Variants in NCKAP1 observed in about 807,000 individuals in gnomAD.
NCKAP1 encodes nck-associated protein 1.
A neutral mutation model predicts 151.2 loss-of-function variants in NCKAP1; 21 were observed. The observed-to-expected ratio is 0.14, with a 90% CI of 0.10 to 0.20. The LOEUF (loss-of-function observed/expected upper bound fraction) is 0.20. NCKAP1 is among the 10% of genes least tolerant of loss of function. The probability of loss-of-function intolerance (pLI) is 1.00; values close to 1 mark genes in which losing one functional copy is unlikely to be tolerated. For missense variants in NCKAP1, 933 were observed against 1,352.1 expected (o/e 0.69, Z 4.86); for synonymous variants, 484 against 451.8 (o/e 1.07, Z -0.90).
intron 1 of NCKAP1, among the ~76,000 whole-genome samples, chr2:183,026,552 A>G (rs1698901209): frequency 6.6e-6 from 1 of 152,008 alleles, no homozygotes; most frequent in African/African-American, 2.4e-5. Context: ...CCTGGAATTG[A>G]TTTACCTTTT....
At chr2:182,929,015 T>C (rs188803425) in intron 27 of NCKAP1, 116 bp from the exon 28 acceptor site, 82 of 644,986 alleles carry the variant, frequency 1.3e-4, no homozygotes, top group Non-Finnish European at 1.9e-4. Context: ...TTTTTTGAAA[T>C]AGTAAACTAT....
At chr2:182,997,163 G>A (rs904892629) in intron 6 of NCKAP1, among the ~76,000 whole-genome samples, 1 of 152,092 alleles carries the variant, frequency 6.6e-6, no homozygotes, top group Non-Finnish European at 1.5e-5. Context: ...ATCTAGCTAA[G>A]AGTCTGTCAA....
In NCKAP1 at chr2:183,038,189, C is replaced by T. The variant is rs1208444199; in HGVS notation, c.-90G>A. 4.5e-6 allele frequency: 4 copies of T among 891,654 alleles called. No individual in the cohort carries two copies. Among genetic ancestry groups the T allele is most frequent in the Non-Finnish European group, 6.3e-6 (4 of 631,340 alleles). 55.2% of individuals were successfully genotyped at this position (891,654 alleles called of 1,614,324 possible). On this transcript the variant is annotated 5_prime_UTR_variant, in exon 1 of 31. Transcript: ENST00000361354. The stretch of plus-strand genomic sequence containing the variant: ...CAGCAGCCTCTCTCGGGCCTCCTCC[C>T]CTCCCGCCCGCGACCTCCGCCTTAG...
chr2:182,946,885 G>A (rs1231968091), intron 23 of NCKAP1: 2 of 152,258 alleles, frequency 1.3e-5, no homozygotes, highest in Admixed American at 1.3e-4. Flanking sequence ...AAATGCAGAA[G>A]CAAGTTAAAT....
chr2:183,015,577 C>A (rs1698668478), intron 2 of NCKAP1, among the ~76,000 whole-genome samples: 1 of 151,516 alleles, frequency 6.6e-6, no homozygotes, highest in South Asian at 2.1e-4. Context: ...TTCAGAAAGT[C>A]ATGGTATAAC....
intron 10 of NCKAP1, among the ~76,000 whole-genome samples, chr2:182,984,672 GTTACT>G (rs1005556594): frequency 2.0e-5 from 3 of 151,860 alleles, no homozygotes; most frequent in African/African-American, 4.8e-5. Flanking sequence ...TAGTGCTTCT[GTTACT>G]TTAATTTCAA....
At chr2:183,012,690 G>A (rs1434124375) in intron 2 of NCKAP1, among the ~76,000 whole-genome samples, 1 of 147,060 alleles carries the variant, frequency 6.8e-6, no homozygotes, top group Non-Finnish European at 1.5e-5. Context: ...TCGGCTTACT[G>A]CAGCCTCCGC....
In NCKAP1 at chr2:182,919,620, A is replaced by G. The variant is rs1020069240; in HGVS notation, c.*6082T>C. 2 of 151,870 alleles carry G rather than the reference A, an allele frequency of 1.3e-5. No homozygotes were observed. Among genetic ancestry groups the G allele is most frequent in the Admixed American group, 6.6e-5 (1 of 15,218 alleles). 9.4% of individuals were successfully genotyped at this position (151,870 alleles called of 1,614,324 possible). A position where few individuals can be genotyped will look rare whatever the true frequency, so the allele number is the denominator to read the frequency against. On this transcript the variant is annotated 3_prime_UTR_variant, in exon 31 of 31. Transcript: ENST00000361354. ...TCAGTTCAAGGGTGAATATGCCTTC[A>G]GAATGCAAGTGCTTTTTTTTTTTAA...
chr2:182,984,750 A>G (rs1046684562), intron 10 of NCKAP1, among the ~76,000 whole-genome samples: 1 of 152,198 alleles, frequency 6.6e-6, no homozygotes, highest in Non-Finnish European at 1.5e-5. Flanking sequence ...GAAAATGAAC[A>G]AATGTTATTT....
At position 182,962,288 on chromosome 2, in the gene NCKAP1, C is replaced by A; in HGVS notation, c.1762-10G>T. The A allele has an allele frequency of 1.3e-6, 2 of 1,585,928 alleles. No individual in the cohort carries two copies. ...CTCCAATATGATGTCGCTGTGAAGG[C>A]AGAATAATAATAATAATACAAGTTA... is the stretch of plus-strand genomic sequence containing the variant. On this transcript the variant is annotated splice_polypyrimidine_tract_variant and intron_variant, in intron 17 of 30. Transcript: ENST00000361354.
chr2:182,925,917 G>T, intron 30 of NCKAP1, 99 bp from the exon 31 acceptor site: 1 of 552,332 alleles, frequency 1.8e-6, no homozygotes, highest in Non-Finnish European at 3.1e-6. Flanking sequence ...TTGACAACCA[G>T]TAAGGCATAA....
chr2:182,969,340 G>A (rs1164218725), intron 15 of NCKAP1, among the ~76,000 whole-genome samples: 1 of 152,004 alleles, frequency 6.6e-6, no homozygotes, highest in African/African-American at 2.4e-5. Flanking sequence ...ATATGCTCCT[G>A]AACAATGTAG....
intron 9 of NCKAP1, among the ~76,000 whole-genome samples, chr2:182,986,867 T>C (rs1698067545): frequency 6.6e-6 from 1 of 152,154 alleles, no homozygotes; most frequent in South Asian, 2.1e-4. Context: ...TAATAAATAA[T>C]TTCATGAATA....
At chr2:183,034,189 G>T (rs1699058196) in intron 1 of NCKAP1, among the ~76,000 whole-genome samples, 1 of 151,932 alleles carries the variant, frequency 6.6e-6, no homozygotes, top group Non-Finnish European at 1.5e-5. Flanking sequence ...TAAATAAGCA[G>T]ATACTGGCTA....
chr2:182,956,489 G>A lies in NCKAP1; in HGVS notation c.2126C>T (p.Thr709Ile), dbSNP rs1291082828. The A allele has an allele frequency of 1.2e-6, 2 of 1,611,096 alleles. No homozygotes were observed. The highest frequency in any genetic ancestry group is 1.7e-5 in the Admixed American group (1 of 59,624). ...EHTFTPREYL[T>I]SHLEIRFTKS... ...GGTAAAGCGTATTTCCAGATGAGAA[G>A]TCAAATATTCTCGTGGGGTAAAGGT... The change falls in exon 20 of 31, where the codon ACT (threonine) becomes ATT (isoleucine). Residue 709 changes from threonine to isoleucine, a missense_variant. Physicochemically the swap from Thr to Ile is moderately conservative, Grantham distance 89. This residue lies in a region of NCKAP1 where 326 missense variants were observed against 557.1 expected (regional missense o/e 0.59). Coordinates refer to ENST00000361354, the MANE Select transcript of NCKAP1 (RefSeq NM_013436.5).
rs1293025272 is a variant in NCKAP1, at chr2:182,915,049, C to T, written c.*10653G>A. 6.6e-6 allele frequency: 1 copy of T among 152,224 alleles called. No individual in the cohort carries two copies. The allele number at this position is 152,224 out of a possible 1,614,324, so 9.4% of individuals were successfully genotyped here. ...GGGTGTCCCCCTAGGGCTACAGCTG[C>T]TCTCAAGGTCACTTCCTCTCACACA... is the stretch of plus-strand genomic sequence containing the variant. On this transcript the variant is annotated 3_prime_UTR_variant, in exon 31 of 31. Coordinates refer to ENST00000361354, the MANE Select transcript of NCKAP1 (RefSeq NM_013436.5).
Position 182,934,842 on chromosome 2 carries a change from A to G in NCKAP1, c.2779-10T>C, listed in dbSNP as rs139260477. 8.8e-3 allele frequency: 11,188 copies of G among 1,276,502 alleles called. 92 individuals carry two copies. Among genetic ancestry groups the G allele is most frequent in the Non-Finnish European group, 9.1e-3 (8,213 of 904,844 alleles). The allele number at this position is 1,276,502 out of a possible 1,614,324, so 79.1% of individuals were successfully genotyped here. A position where few individuals can be genotyped will look rare whatever the true frequency, so the allele number is the denominator to read the frequency against. ...TGTGGTAGGATAAGACCTAGGCAGG[A>G]TAACAAATAAGAATACAGAATTATT... is the stretch of plus-strand genomic sequence containing the variant. On this transcript the variant is annotated splice_polypyrimidine_tract_variant and intron_variant, in intron 25 of 30. Coordinates refer to ENST00000361354, the MANE Select transcript of NCKAP1 (RefSeq NM_013436.5).
At chr2:183,014,326 C>T (rs1226332721) in intron 2 of NCKAP1, among the ~76,000 whole-genome samples, 1 of 152,076 alleles carries the variant, frequency 6.6e-6, no homozygotes, top group African/African-American at 2.4e-5. Context: ...CATTTAAGCA[C>T]AGACCTGAAA....
At chr2:183,006,236 C>A (rs1248055089) in intron 2 of NCKAP1, among the ~76,000 whole-genome samples, 1 of 152,140 alleles carries the variant, frequency 6.6e-6, no homozygotes, top group Admixed American at 6.5e-5. Context: ...GACTTAACAT[C>A]TCTAGCCTAA....
Sources: gnomAD v4.1 joint callset for allele counts (sites outside exome capture counted in the v4.1 genomes callset) on GRCh38, gnomAD v4.1.1 for gene constraint, gnomAD v4.1.1 regional missense constraint, MANE v1.5 for transcripts, NCBI Gene and HGNC (gene_info 2026-07-23, HGNC 2026-07-21) for gene names.